Variants in BIRC6 observed in about 807,000 individuals in gnomAD.
BIRC6 encodes dual E2 ubiquitin-conjugating enzyme/E3 ubiquitin-protein ligase BIRC6.
BIRC6 carries 98 observed loss-of-function variants against 503.3 expected under a neutral mutation model. The observed-to-expected ratio is 0.19, with a 90% CI of 0.17 to 0.23. BIRC6 has a LOEUF of 0.23. Ranked by LOEUF, BIRC6 falls within the 10% of genes least tolerant of loss-of-function variation. The pLI, the probability that BIRC6 is intolerant of heterozygous loss-of-function variation, is 1.00. For synonymous variants in BIRC6, 2,240 were observed against 2,078.7 expected (o/e 1.08, Z -2.11); for missense variants, 5,360 against 5,806.0 (o/e 0.92, Z 2.50).
chr2:32,413,404 TC>T (rs2042097932), intron 9 of BIRC6, among the ~76,000 whole-genome samples: 1 of 152,010 alleles, frequency 6.6e-6, no homozygotes, highest in Admixed American at 6.6e-5. Flanking sequence ...GGTCTCAAAC[TC>T]CCGGCCTCAG....
intron 6 of BIRC6, among the ~76,000 whole-genome samples, chr2:32,398,540 T>A (rs574075127): frequency 8.0e-4 from 122 of 152,374 alleles, no homozygotes; most frequent in Non-Finnish European, 1.2e-3. Context: ...ATTTTATTTT[T>A]AAAATTTTTT....
intron 32 of BIRC6, among the ~76,000 whole-genome samples, chr2:32,471,936 T>C (rs925337502): frequency 1.6e-4 from 25 of 152,192 alleles, no homozygotes; most frequent in Admixed American, 1.6e-3. Context: ...ATATTATGTT[T>C]AGGAAGATGA....
intron 60 of BIRC6, 65 bp downstream of exon 60, chr2:32,529,889 C>A: frequency 9.5e-7 from 1 of 1,048,198 alleles, no homozygotes; most frequent in Admixed American, 3.7e-5. Flanking sequence ...ATTTCTATAG[C>A]TAATGACTTA....
At chr2:32,560,404 A>G (rs2059087638) in intron 65 of BIRC6, among the ~76,000 whole-genome samples, 1 of 152,180 alleles carries the variant, frequency 6.6e-6, no homozygotes, top group South Asian at 2.1e-4. Context: ...TGAAGAGAAT[A>G]TCTTCTTCTA....
chr2:32,525,382 T>G (rs974620452), intron 58 of BIRC6, 82 bp from the exon 59 acceptor site: 1 of 1,462,936 alleles, frequency 6.8e-7, no homozygotes, highest in Admixed American at 1.8e-5. Flanking sequence ...AATGCATGCC[T>G]TATTAAAATA....
At chr2:32,445,690 C>A in intron 21 of BIRC6, 22 bp downstream of exon 21, 3 of 1,461,944 alleles carry the variant, frequency 2.1e-6, no homozygotes, top group Non-Finnish European at 1.8e-6. Context: ...TATCTAATGA[C>A]TAATAATAGG....
In BIRC6 at chr2:32,357,153, T is replaced by G; in HGVS notation, c.-9T>G. The G allele has an allele frequency of 1.3e-6, 2 of 1,494,600 alleles. No individual in the cohort carries two copies. Among genetic ancestry groups the G allele is most frequent in the Non-Finnish European group, 1.8e-6 (2 of 1,135,630 alleles). The allele number at this position is 1,494,600 out of a possible 1,614,324, so 92.6% of individuals were successfully genotyped here. ...CGGCTAACGCGCTCGGCTTGCCCCC[T>G]GGCCCCGGATGGTGACTGGTGGTGG... On this transcript the variant is annotated 5_prime_UTR_variant, in exon 1 of 74. Transcript: ENST00000421745. The surrounding 1 kb of genome is among the most constrained non-coding windows in gnomAD (Gnocchi z 4.9).
intron 9 of BIRC6, among the ~76,000 whole-genome samples, chr2:32,407,936 G>C (rs2041423741): frequency 6.6e-6 from 1 of 151,872 alleles, no homozygotes; most frequent in Non-Finnish European, 1.5e-5. Context: ...AAAAACATAA[G>C]AGGTTACTAC....
At chr2:32,568,210 A>C (rs1260864624) in intron 65 of BIRC6, among the ~76,000 whole-genome samples, 1 of 150,540 alleles carries the variant, frequency 6.6e-6, no homozygotes, top group Non-Finnish European at 1.5e-5. Flanking sequence ...TTTCAGGATA[A>C]TCTATTTGAA....
intron 10 of BIRC6, among the ~76,000 whole-genome samples, chr2:32,428,928 A>C (rs1248166637): frequency 6.6e-6 from 1 of 152,154 alleles, no homozygotes. Flanking sequence ...ACCTGTTTTC[A>C]TGTATGTTTA....
chr2:32,387,370 GATAA>G (rs900371215), intron 3 of BIRC6, among the ~76,000 whole-genome samples: 4 of 139,058 alleles, frequency 2.9e-5, no homozygotes, highest in Non-Finnish European at 6.1e-5. Flanking sequence ...GTATTGTATA[GATAA>G]ATAATAATTT....
At position 32,569,564 on chromosome 2, in the gene BIRC6, G is replaced by C. The variant is rs149119987; in HGVS notation, c.13145-5592G>C. Among the ~76,000 whole-genome samples the C allele has an allele frequency of 1.4e-4, 22 of 151,816 alleles. No homozygotes were observed. In the East Asian group the frequency reaches 4.3e-3, roughly 29 times the overall value. On this transcript the variant is annotated intron_variant, in intron 65 of 73. Coordinates refer to ENST00000421745, the MANE Select transcript of BIRC6 (RefSeq NM_016252.4). ...CCTTTTTGGTTTTTGTAGAGATAAG[G>C]TCTTACTATGTTGTTCAGGCTGGTC...
At chr2:32,390,447 G>A (rs1291091631) in intron 4 of BIRC6, among the ~76,000 whole-genome samples, 1 of 152,154 alleles carries the variant, frequency 6.6e-6, no homozygotes, top group East Asian at 1.9e-4. Context: ...TGGGATTACA[G>A]GCGTGAGCCA....
At chr2:32,461,343 AGTGTGTGTGTGTGTGTGT>A (rs373274536) in intron 23 of BIRC6, among the ~76,000 whole-genome samples, 2 of 132,132 alleles carry the variant, frequency 1.5e-5, no homozygotes, top group African/African-American at 5.8e-5. Context: ...ATGCCTGGCT[AGTGTGTGTGTGTGTGTGT>A]GTGTGTGTGT....
chr2:32,514,316 C>T (rs987866720), intron 54 of BIRC6, among the ~76,000 whole-genome samples: 26 of 152,160 alleles, frequency 1.7e-4, no homozygotes, highest in Non-Finnish European at 3.1e-4. Flanking sequence ...CAGAGCAAGA[C>T]GTCATCTCAA....
chr2:32,593,803 A>G (rs573214259), intron 66 of BIRC6, 112 bp from the exon 67 acceptor site: 1 of 937,130 alleles, frequency 1.1e-6, no homozygotes, highest in East Asian at 2.6e-5. Context: ...AATATAGATC[A>G]TGTGTGTGAC....
intron 6 of BIRC6, 122 bp from the exon 7 acceptor site, chr2:32,401,041 T>C (rs2040551470): frequency 1.3e-6 from 1 of 775,278 alleles, no homozygotes; most frequent in African/African-American, 1.8e-5. Flanking sequence ...TTATATTAAG[T>C]CTTTAATGAT....
chr2:32,487,049 T>C (rs1401712163), intron 40 of BIRC6, among the ~76,000 whole-genome samples: 1 of 152,162 alleles, frequency 6.6e-6, no homozygotes, highest in African/African-American at 2.4e-5. Flanking sequence ...TGTTTGAAAT[T>C]GGTGTCTCCT....
chr2:32,572,875 C>T (rs1011085845), intron 65 of BIRC6, among the ~76,000 whole-genome samples: 6 of 152,282 alleles, frequency 3.9e-5, no homozygotes, highest in African/African-American at 1.4e-4. Context: ...CTCTGATAGT[C>T]TCTATTTTAC....
Sources: gnomAD v4.1 joint callset for allele counts (sites outside exome capture counted in the v4.1 genomes callset) on GRCh38, gnomAD v4.1.1 for gene constraint, Gnocchi (gnomAD v3.1) non-coding constraint, MANE v1.5 for transcripts, NCBI Gene and HGNC (gene_info 2026-07-23, HGNC 2026-07-21) for gene names.